LRGUK: variants seen among roughly 807,000 people sequenced by gnomAD.
The protein encoded by LRGUK is leucine rich repeats and guanylate kinase domain containing, also known as leucine-rich repeat and guanylate kinase domain-containing protein.
A neutral mutation model predicts 76.0 loss-of-function variants in LRGUK; 65 were observed. The observed-to-expected ratio is 0.85, with a 90% CI of 0.70 to 1.05. The LOEUF (loss-of-function observed/expected upper bound fraction) is 1.05, where lower values mean the gene tolerates loss of function less well. LRGUK is among the 50% of genes least tolerant of loss of function. The pLI is 0.00. For synonymous variants in LRGUK, 268 were observed against 265.6 expected, an observed-to-expected ratio of 1.01 and a Z score of -0.09; for missense variants, 758 against 732.8, an observed-to-expected ratio of 1.03 and a Z score of -0.40.
rs1042266317 is a variant in LRGUK, at chr7:134,223,848, C to G, written c.1983+1930C>G. On this transcript the variant is annotated intron_variant, in intron 16 of 19. Transcript: ENST00000285928. ...TGTTGCATAGGCTGGCCTTGAACGC[C>G]TGGCCCCAAGTGATCCTCTCACCTC... 2.0e-5 allele frequency among the ~76,000 whole-genome samples: 3 copies of G among 152,196 alleles called. No individual in the cohort carries two copies. In the East Asian group the frequency reaches 5.8e-4, roughly 29 times the overall value.
In LRGUK at chr7:134,226,381, C is replaced by T. The variant is rs117944557; in HGVS notation, c.1983+4463C>T. On this transcript the variant is annotated intron_variant, in intron 16 of 19. Transcript: ENST00000285928. ...TGTGTACATGAGGCCTTCTCTATAC[C>T]GCCTCTGTAATCTAATATTCTCTTC... Among the ~76,000 whole-genome samples the T allele has an allele frequency of 1.1e-4, 17 of 152,146 alleles. No homozygotes were observed. The East Asian group carries it at 3.1e-3, about 28-fold the overall frequency.
intron 16 of LRGUK, among the ~76,000 whole-genome samples, chr7:134,236,002 G>A (rs1235238433): frequency 1.3e-5 from 2 of 152,062 alleles, no homozygotes; most frequent in Non-Finnish European, 2.9e-5. Flanking sequence ...ATATTAATAG[G>A]TAAGAAGCAC....
At chr7:134,225,691 G>A (rs1425680529) in intron 16 of LRGUK, among the ~76,000 whole-genome samples, 2 of 152,130 alleles carry the variant, frequency 1.3e-5, no homozygotes, top group Non-Finnish European at 2.9e-5. Flanking sequence ...TATGTTTGGT[G>A]CCTCATTTTT....
intron 15 of LRGUK, among the ~76,000 whole-genome samples, chr7:134,208,405 C>T (rs1801096526): frequency 6.6e-6 from 1 of 152,142 alleles, no homozygotes; most frequent in Admixed American, 6.5e-5. Flanking sequence ...AATGTCTCAC[C>T]ACCCACAAAT....
rs984275580 is a variant in LRGUK at position 134,221,908 on chromosome 7, A to C, written c.1973A>C (p.Lys658Thr). The C allele has an allele frequency of 6.3e-6, 10 of 1,595,624 alleles. No individual in the cohort carries two copies. The African/African-American group carries it at 1.1e-4, about 17-fold the overall frequency. The change falls in exon 16 of 20, where the codon AAA (lysine) becomes ACA (threonine). Residue 658 changes from lysine (K) to threonine (T), a missense_variant. Coordinates refer to the LRGUK transcript ENST00000285928. ...TTTTGGGCCAAACTTTCAGCCAAAA[A>C]AACACCAGCGGTAAGAGAGGAATAG...
chr7:134,146,221 C>A (rs1391464491), intron 4 of LRGUK, among the ~76,000 whole-genome samples: 2 of 151,786 alleles, frequency 1.3e-5, no homozygotes, highest in Non-Finnish European at 2.9e-5. Context: ...TGCAGTGGGC[C>A]AAGACTGAGC....
At chr7:134,149,301 A>G (rs73437253) in intron 5 of LRGUK, among the ~76,000 whole-genome samples, 19,675 of 152,004 alleles carry the variant, frequency 0.13, 1,612 homozygotes, top group East Asian at 0.33. Flanking sequence ...TTTTCTGGGT[A>G]GCAGGGGAGC....
At chr7:134,215,193 C>G (rs145608556), downstream of LRGUK, among the ~76,000 whole-genome samples, 118 of 151,834 alleles carry the variant, frequency 7.8e-4, no homozygotes, top group African/African-American at 2.8e-3. Context: ...ATATCATGAC[C>G]CAGTAAACAC....
intron 16 of LRGUK, among the ~76,000 whole-genome samples, chr7:134,228,585 A>G (rs1336672474): frequency 1.3e-5 from 2 of 152,202 alleles, no homozygotes; most frequent in Non-Finnish European, 2.9e-5. Flanking sequence ...TTAACTGTAC[A>G]TCTATAAATG....
intron 13 of LRGUK, among the ~76,000 whole-genome samples, chr7:134,198,381 T>A (rs539083647): frequency 5.5e-4 from 84 of 152,292 alleles, no homozygotes; most frequent in Middle Eastern, 3.4e-3. Flanking sequence ...GAGTCTATAA[T>A]CCATGCTTGA....
intron 18 of LRGUK, 119 bp from the exon 19 acceptor site, chr7:134,258,138 C>T (rs948610271): frequency 1.1e-5 from 13 of 1,232,864 alleles, no homozygotes; most frequent in Non-Finnish European, 1.5e-5. Flanking sequence ...CAAGACATGT[C>T]CACTAACTAC....
chr7:134,251,430 T>C (rs1380789387), intron 18 of LRGUK, among the ~76,000 whole-genome samples: 2 of 152,194 alleles, frequency 1.3e-5, no homozygotes, highest in Non-Finnish European at 2.9e-5. Context: ...GAATCAGCCC[T>C]GCTGACACCT....
intron 18 of LRGUK, among the ~76,000 whole-genome samples, chr7:134,254,164 G>A (rs1299717040): frequency 6.6e-6 from 1 of 152,130 alleles, no homozygotes; most frequent in Non-Finnish European, 1.5e-5. Flanking sequence ...TGTTGAATTA[G>A]CAAAACTGAT....
At chr7:134,231,995 G>A (rs1318474017) in intron 16 of LRGUK, among the ~76,000 whole-genome samples, 8 of 150,970 alleles carry the variant, frequency 5.3e-5, no homozygotes, top group African/African-American at 2.0e-4. Context: ...TATATTTGTT[G>A]AATTCTTATC....
exon 18 of LRGUK, chr7:134,249,011 C>T (rs774803532): frequency 2.5e-6 from 4 of 1,603,396 alleles, no homozygotes; most frequent in Non-Finnish European, 2.6e-6. Context: ...TAGAAGAACT[C>T]TGGAAAAGTT....
rs779369491 is a variant in LRGUK, at chr7:134,191,763, T to C, written c.1431+12T>C. ...AAATGGTGAACATGGTAAGAATGTT[T>C]GCCTTTGTTTTTATTGCACAAGAAA... On this transcript the variant is annotated intron_variant, in intron 12 of 15. Coordinates refer to ENST00000645682, the Ensembl canonical transcript of LRGUK. The C allele has an allele frequency of 2.6e-6, 4 of 1,555,976 alleles. No homozygotes were observed. The highest frequency in any genetic ancestry group is 3.5e-5 in the Admixed American group (2 of 57,804).
At chr7:134,196,393 A>G (rs1585535144) in intron 12 of LRGUK, among the ~76,000 whole-genome samples, 2 of 151,822 alleles carry the variant, frequency 1.3e-5, no homozygotes, top group Non-Finnish European at 1.5e-5. Flanking sequence ...TCAAATGGCT[A>G]TAGGGCAGAC....
chr7:134,136,375 A>G (rs561572678), intron 1 of LRGUK, among the ~76,000 whole-genome samples: 1 of 152,356 alleles, frequency 6.6e-6, no homozygotes, highest in Non-Finnish European at 1.5e-5. Context: ...GACTAATAGG[A>G]AGTGAACTGA....
At chr7:134,268,638 C>A (rs1802903238), downstream of LRGUK, among the ~76,000 whole-genome samples, 1 of 148,370 alleles carries the variant, frequency 6.7e-6, no homozygotes, top group Non-Finnish European at 1.5e-5. Context: ...TTTATGAGGC[C>A]AATATTACCC....
Sources: gnomAD v4.1 joint callset for allele counts (sites outside exome capture counted in the v4.1 genomes callset) on GRCh38, gnomAD v4.1.1 for gene constraint, MANE v1.5 for transcripts, NCBI Gene and HGNC (gene_info 2026-07-23, HGNC 2026-07-21) for gene names.